Variants in HMGA2 observed in about 807,000 individuals in gnomAD.
HMGA2 encodes the protein high mobility group protein HMGI-C.
HMGA2 carries 8 observed loss-of-function variants against 19.1 expected under a neutral mutation model. The ratio of observed to expected loss-of-function variants is 0.42; its 90% confidence interval spans 0.25 to 0.76. The LOEUF is 0.76. Ranked by LOEUF, HMGA2 falls within the 30% of genes least tolerant of loss-of-function variation. HMGA2 has a pLI of 0.28. For missense variants in HMGA2, 109 were observed against 136.3 expected (o/e 0.80, Z 1.00); for synonymous variants, 60 against 48.8 (o/e 1.23, Z -0.96).
intron 3 of HMGA2, among the ~76,000 whole-genome samples, chr12:65,855,699 AGATGATGATGATGATGAT>A (rs3048830): frequency 1.2e-4 from 18 of 148,550 alleles, no homozygotes; most frequent in Non-Finnish European, 1.5e-5. Context: ...ACCAGAACAC[AGATGATGATGATGATGAT>A]GATGATGATG....
intron 3 of HMGA2, among the ~76,000 whole-genome samples, chr12:65,866,374 G>T (rs893732401): frequency 1.3e-5 from 2 of 152,194 alleles, no homozygotes; most frequent in Admixed American, 1.3e-4. Flanking sequence ...GAGAGTATTG[G>T]AGTAGGCGAG....
chr12:65,866,934 A>G (rs1005713125), intron 3 of HMGA2: 1 of 456,884 alleles, frequency 2.2e-6, no homozygotes, highest in Non-Finnish European at 4.4e-6. Context: ...AGATAGGAAC[A>G]TGTGCCTTCC....
intron 3 of HMGA2, among the ~76,000 whole-genome samples, chr12:65,937,411 C>T (rs979274725): frequency 6.6e-6 from 1 of 152,210 alleles, no homozygotes; most frequent in African/African-American, 2.4e-5. Context: ...ACCCCAGGTT[C>T]TGCTCTTCTT....
intron 4 of HMGA2, chr12:65,953,785 T>C (rs370938272): frequency 1.3e-5 from 2 of 152,238 alleles, no homozygotes; most frequent in African/African-American, 4.8e-5. Flanking sequence ...TGATGAATTA[T>C]ATAAACATGA....
chr12:65,885,957 A>T (rs755276489), intron 3 of HMGA2, among the ~76,000 whole-genome samples: 29 of 152,072 alleles, frequency 1.9e-4, no homozygotes, highest in Non-Finnish European at 4.0e-4. Context: ...TGAATAAGCC[A>T]CCCCCTTGTT....
chr12:65,890,146 AT>A (rs1262692782), intron 3 of HMGA2, among the ~76,000 whole-genome samples: 1 of 152,184 alleles, frequency 6.6e-6, no homozygotes, highest in Non-Finnish European at 1.5e-5. Flanking sequence ...AGTCCTGAAA[AT>A]CATTATGCCA....
rs997862451 is a variant in HMGA2 at position 65,825,236 on chromosome 12, C to A, written c.-35C>A. 2 of 1,499,672 alleles carry A rather than the reference C, an allele frequency of 1.3e-6. No individual in the cohort carries two copies. Among genetic ancestry groups the A allele is most frequent in the Non-Finnish European group, 1.8e-6 (2 of 1,121,284 alleles). The allele number at this position is 1,499,672 out of a possible 1,614,324, so 92.9% of individuals were successfully genotyped here. On this transcript the variant is annotated 5_prime_UTR_variant, in exon 1 of 5. Transcript: ENST00000403681. This position sits in a 1 kb window ranked among gnomAD's most constrained non-coding sequence, Gnocchi z 4.4. ...CAGCTCCGGGGCGGTCGAGGCGAAG[C>A]GGCTGCAGCGGCGGTAGCGGCGGCG...
At chr12:65,889,681 G>A (rs1284350971) in intron 3 of HMGA2, among the ~76,000 whole-genome samples, 2 of 152,182 alleles carry the variant, frequency 1.3e-5, no homozygotes, top group East Asian at 3.9e-4. Context: ...TCATGGGAAA[G>A]TACGTATCAG....
At chr12:65,885,531 T>C (rs1873619258) in intron 3 of HMGA2, among the ~76,000 whole-genome samples, 1 of 152,222 alleles carries the variant, frequency 6.6e-6, no homozygotes, top group South Asian at 2.1e-4. Flanking sequence ...CATGAGCCAA[T>C]GTGTGTCTCA....
chr12:65,838,845 T>C (rs939906380), intron 3 of HMGA2, among the ~76,000 whole-genome samples: 6 of 152,094 alleles, frequency 3.9e-5, no homozygotes, highest in African/African-American at 1.4e-4. Flanking sequence ...AGGGTAACAA[T>C]GAGATGATTT....
intron 3 of HMGA2, among the ~76,000 whole-genome samples, chr12:65,946,408 A>C (rs767517008): frequency 1.3e-4 from 20 of 152,194 alleles, no homozygotes; most frequent in Non-Finnish European, 2.6e-4. Context: ...ATCTGCACAG[A>C]CAGCCATGTG....
intron 3 of HMGA2, among the ~76,000 whole-genome samples, chr12:65,868,726 C>G (rs1478486256): frequency 2.0e-5 from 3 of 152,106 alleles, no homozygotes; most frequent in Non-Finnish European, 4.4e-5. Flanking sequence ...TCAGTCTTGC[C>G]TGTTTCTACC....
chr12:65,896,274 G>T (rs1874126937), intron 3 of HMGA2, among the ~76,000 whole-genome samples: 1 of 152,198 alleles, frequency 6.6e-6, no homozygotes, highest in Admixed American at 6.5e-5. Flanking sequence ...AAGGGCTTGT[G>T]CTCCCAGGAA....
At chr12:65,881,845 C>T (rs754041066) in intron 3 of HMGA2, 8 of 702,922 alleles carry the variant, frequency 1.1e-5, no homozygotes, top group Non-Finnish European at 2.1e-5. Flanking sequence ...CTTCCTTGAA[C>T]TGCACTCTTT....
intron 3 of HMGA2, among the ~76,000 whole-genome samples, chr12:65,898,291 A>C (rs752681080): frequency 1.0e-4 from 15 of 148,584 alleles, no homozygotes; most frequent in Admixed American, 6.7e-5. Context: ...CACTTTATTC[A>C]TTTTTTTTTT....
chr12:65,866,964 AGAGAGATT>A, intron 3 of HMGA2: 2 of 456,598 alleles, frequency 4.4e-6, no homozygotes, highest in South Asian at 1.5e-5. Context: ...ACTGGTAGAG[AGAGAGATT>A]GAGAGATTGA....
Position 65,843,183 on chromosome 12 carries a change from A to G in HMGA2, c.249+4614A>G, listed in dbSNP as rs573985207. 8.0e-5 allele frequency: 18 copies of G among 226,098 alleles called. No homozygotes were observed. In the East Asian group the frequency reaches 1.2e-3, roughly 15 times the overall value. 14.0% of individuals were successfully genotyped at this position (226,098 alleles called of 1,614,324 possible). Reference sequence around the variant, plus strand: ...AAATTGATCCAAGGACCAGATGCTTAAAGTTCACTTCAATTGGTCACTAGA... The same window carrying G: ...AAATTGATCCAAGGACCAGATGCTTGAAGTTCACTTCAATTGGTCACTAGA... On this transcript the variant is annotated intron_variant, in intron 3 of 4. Transcript: ENST00000403681.
intron 4 of HMGA2, chr12:65,957,553 T>A (rs1468086593): frequency 6.6e-6 from 1 of 152,238 alleles, no homozygotes; most frequent in Non-Finnish European, 1.5e-5. Context: ...AGCTATTTTT[T>A]TAAATGCAGT....
At chr12:65,841,147 G>A (rs1870977908) in intron 3 of HMGA2, among the ~76,000 whole-genome samples, 1 of 152,134 alleles carries the variant, frequency 6.6e-6, no homozygotes, top group Non-Finnish European at 1.5e-5. Context: ...GCAATTAAAG[G>A]ATATATATGT....
Sources: allele counts gnomAD v4.1 joint callset (sites outside exome capture counted in the v4.1 genomes callset), GRCh38; gene constraint gnomAD v4.1.1; non-coding constraint Gnocchi (gnomAD v3.1); transcripts MANE v1.5; gene names NCBI Gene and HGNC (gene_info 2026-07-23, HGNC 2026-07-21).